EPHA6: variants seen among roughly 807,000 people sequenced by gnomAD.
The protein encoded by EPHA6 is EPH receptor A6, also known as ephrin type-A receptor 6.
Under a neutral mutation model 112.0 loss-of-function variants are expected in EPHA6, and 50 were observed. The observed-to-expected ratio is 0.45, with a 90% CI of 0.36 to 0.56. EPHA6 has a LOEUF of 0.56. EPHA6 is among the 20% of genes least tolerant of loss of function. EPHA6 has a pLI of 0.00. For synonymous variants in EPHA6, 529 were observed against 490.7 expected (o/e 1.08, Z -1.03); for missense variants, 1,280 against 1,417.4 (o/e 0.90, Z 1.56).
At chr3:97,748,444 G>A in intron 17 of EPHA6, 143 bp from the exon 18 acceptor site, 1 of 578,584 alleles carries the variant, frequency 1.7e-6, no homozygotes, top group Admixed American at 2.7e-5. Context: ...AACTGTGGCA[G>A]AGTGCTTATT....
At position 97,751,345 on chromosome 3, in the gene EPHA6, A is replaced by G. The variant is rs139691533; in HGVS notation, c.*2644A>G. ...TTCTCTAACATCTTTTGATAGTATC[A>G]TAAAACTACTTTTTGCTTTGTCTCT... On this transcript the variant is annotated 3_prime_UTR_variant, in exon 18 of 18. Coordinates refer to ENST00000389672, the MANE Select transcript of EPHA6 (RefSeq NM_001080448.3). Among the ~76,000 whole-genome samples the G allele has an allele frequency of 1.3e-5, 2 of 152,250 alleles. No homozygotes were observed. The highest frequency in any genetic ancestry group is 4.8e-5 in the African/African-American group (2 of 41,574).
chr3:97,173,131 C>T (rs2076744705), intron 3 of EPHA6, among the ~76,000 whole-genome samples: 1 of 151,908 alleles, frequency 6.6e-6, no homozygotes, highest in East Asian at 1.9e-4. Flanking sequence ...TGGATCTCGG[C>T]TTACACTTGG....
At chr3:97,457,682 C>A (rs893434135) in intron 7 of EPHA6, among the ~76,000 whole-genome samples, 3 of 151,986 alleles carry the variant, frequency 2.0e-5, no homozygotes, top group African/African-American at 7.2e-5. Context: ...GCTGTTTGTG[C>A]TTTTTTCACC....
intron 3 of EPHA6, among the ~76,000 whole-genome samples, chr3:97,013,739 T>C (rs1177898734): frequency 6.6e-6 from 1 of 152,196 alleles, no homozygotes; most frequent in African/African-American, 2.4e-5. Context: ...AATAAAAACT[T>C]TTTATGAAGA....
intron 3 of EPHA6, among the ~76,000 whole-genome samples, chr3:97,165,300 T>C (rs2076514342): frequency 6.6e-6 from 1 of 152,114 alleles, no homozygotes; most frequent in South Asian, 2.1e-4. Context: ...TCTCTTAAAT[T>C]CCACTTCAGG....
At chr3:97,262,107 A>T (rs2079522951) in intron 5 of EPHA6, among the ~76,000 whole-genome samples, 1 of 152,306 alleles carries the variant, frequency 6.6e-6, no homozygotes, top group African/African-American at 2.4e-5. Context: ...TAATGAAAAG[A>T]TTAAGATAGC....
chr3:96,899,747 G>A (rs1371812809), intron 2 of EPHA6, among the ~76,000 whole-genome samples: 1 of 152,134 alleles, frequency 6.6e-6, no homozygotes, highest in East Asian at 1.9e-4. Flanking sequence ...CAGTAGTCCT[G>A]TTGCATGGAG....
At chr3:97,022,501 T>C (rs2044497023) in intron 3 of EPHA6, among the ~76,000 whole-genome samples, 2 of 152,244 alleles carry the variant, frequency 1.3e-5, no homozygotes, top group African/African-American at 4.8e-5. Context: ...CTTATAGCTT[T>C]AAGAGTACTA....
intron 3 of EPHA6, among the ~76,000 whole-genome samples, chr3:97,143,602 C>A (rs2108358002): frequency 6.6e-6 from 1 of 151,820 alleles, no homozygotes; most frequent in African/African-American, 2.4e-5. Flanking sequence ...CTCAATCTTG[C>A]TAAACATGAG....
chr3:97,092,976 G>T (rs2047120944), intron 3 of EPHA6, among the ~76,000 whole-genome samples: 1 of 152,080 alleles, frequency 6.6e-6, no homozygotes, highest in Non-Finnish European at 1.5e-5. Flanking sequence ...CTTGTGTAGG[G>T]TCTCAAATCC....
At chr3:96,885,273 C>T (rs2037561020) in intron 2 of EPHA6, among the ~76,000 whole-genome samples, 1 of 152,026 alleles carries the variant, frequency 6.6e-6, no homozygotes. Context: ...CTTTCTCTAT[C>T]TTGTCAAAGA....
chr3:97,274,295 A>T (rs1226976045), intron 5 of EPHA6, among the ~76,000 whole-genome samples: 9 of 152,120 alleles, frequency 5.9e-5, no homozygotes, highest in Admixed American at 5.9e-4. Context: ...GCCATGAGGG[A>T]CAGAAGTTGG....
intron 2 of EPHA6, among the ~76,000 whole-genome samples, chr3:96,938,205 G>A (rs1268921220): frequency 1.3e-5 from 2 of 152,050 alleles, no homozygotes; most frequent in Non-Finnish European, 2.9e-5. Context: ...GGGCAGTATG[G>A]CCATTTTCAC....
chr3:96,814,768 C>G lies in EPHA6; in HGVS notation c.145C>G (p.Pro49Ala). 1 of 1,602,328 alleles carries G rather than the reference C, an allele frequency of 6.2e-7. No homozygotes were observed. Among genetic ancestry groups the G allele is most frequent in the South Asian group, 1.1e-5 (1 of 90,112 alleles). Reference protein sequence around the residue: ...GTSRRGRPGTPPAGRVEEEEE... With the variant: ...GTSRRGRPGTAPAGRVEEEEE... ...CTCGCGCAGGGGGCGCCCCGGGACA[C>G]CCCCTGCGGGCCGGGTGGAGGAGGA... Residue 49 changes from proline (P) to alanine (A), a missense_variant, in exon 1 of 18, where the codon CCC (proline) becomes GCC (alanine). Physicochemically the swap from Pro to Ala is conservative, Grantham distance 27. Transcript: ENST00000389672.
rs71623564 is a variant in EPHA6, at chr3:96,994,732, T to TAGAG, written c.1114+6766_1114+6769dup. On this transcript the variant is annotated intron_variant, in intron 3 of 17. Coordinates refer to ENST00000389672, the MANE Select transcript of EPHA6 (RefSeq NM_001080448.3). The stretch of plus-strand genomic sequence containing the variant: ...GTGTATATATATATATATATATATA[T>TAGAG]AGAGAGAGAGAGAGAGAGAGAGAGA... Among the ~76,000 whole-genome samples the TAGAG allele has an allele frequency of 1.5e-3, 124 of 82,182 alleles. 2 individuals carry two copies. The highest frequency in any genetic ancestry group is 5.5e-3 in the African/African-American group (86 of 15,532). 53.9% of individuals were successfully genotyped at this position (82,182 alleles called of 152,430 possible).
chr3:97,336,912 C>T (rs574811017), intron 5 of EPHA6, among the ~76,000 whole-genome samples: 14 of 151,358 alleles, frequency 9.2e-5, no homozygotes, highest in African/African-American at 3.4e-4. Flanking sequence ...GCTTTTCTCC[C>T]TCCCAGATTA....
chr3:97,650,933 C>T (rs1374641789), intron 14 of EPHA6, among the ~76,000 whole-genome samples: 1 of 150,472 alleles, frequency 6.6e-6, no homozygotes, highest in Admixed American at 6.6e-5. Flanking sequence ...CAAGAGAATA[C>T]TGAGAAACTC....
intron 5 of EPHA6, among the ~76,000 whole-genome samples, chr3:97,277,562 C>T (rs1485344494): frequency 1.3e-5 from 2 of 152,162 alleles, no homozygotes; most frequent in Non-Finnish European, 2.9e-5. Flanking sequence ...ATATAGCCTA[C>T]TCCATATAGG....
At chr3:97,597,362 C>G (rs2093603491) in intron 12 of EPHA6, among the ~76,000 whole-genome samples, 1 of 152,106 alleles carries the variant, frequency 6.6e-6, no homozygotes, top group Non-Finnish European at 1.5e-5. Context: ...GTCTGCTGCT[C>G]TGAATCAAAT....
Sources: allele counts gnomAD v4.1 joint callset (sites outside exome capture counted in the v4.1 genomes callset), GRCh38; gene constraint gnomAD v4.1.1; transcripts MANE v1.5; gene names NCBI Gene and HGNC (gene_info 2026-07-23, HGNC 2026-07-21).